Variants in TMEM132D observed in about 807,000 individuals in gnomAD.
TMEM132D encodes mature OL transmembrane protein.
In TMEM132D, 21 loss-of-function variants were observed where a neutral mutation model predicts 62.3. The ratio of observed to expected loss-of-function variants is 0.34; its 90% confidence interval spans 0.24 to 0.49. The LOEUF is 0.49. Ranked by LOEUF, TMEM132D falls within the 20% of genes least tolerant of loss-of-function variation. The pLI, the probability that TMEM132D is intolerant of heterozygous loss-of-function variation, is 0.99. For missense variants in TMEM132D, 1,346 were observed against 1,402.8 expected (o/e 0.96, Z 0.65); for synonymous variants, 621 against 575.6 (o/e 1.08, Z -1.13).
At position 129,603,171 on chromosome 12, in the gene TMEM132D, G is replaced by A. The variant is rs548605018; in HGVS notation, c.969-71966C>T. ...ATATCATTATCACCCAAAGTCCAAA[G>A]TTGGCATTAGGGTTCACACTTGGTG... On this transcript the variant is annotated intron_variant, in intron 2 of 8. Coordinates refer to ENST00000422113, the MANE Select transcript of TMEM132D (RefSeq NM_133448.3). 2.6e-5 allele frequency among the ~76,000 whole-genome samples: 4 copies of A among 152,292 alleles called. No homozygotes were observed. In the East Asian group the frequency reaches 5.8e-4, roughly 22 times the overall value.
At chr12:129,114,394 T>TTCCC (rs1555230687) in intron 5 of TMEM132D, among the ~76,000 whole-genome samples, 2 of 146,286 alleles carry the variant, frequency 1.4e-5, no homozygotes, top group East Asian at 2.0e-4. Context: ...AACTCCTTCC[T>TTCCC]TCCTTCCCTC....
At chr12:129,266,038 C>T (rs1202899543) in intron 4 of TMEM132D, among the ~76,000 whole-genome samples, 1 of 152,066 alleles carries the variant, frequency 6.6e-6, no homozygotes, top group Non-Finnish European at 1.5e-5. Context: ...GAATGAACTC[C>T]CTTTTCAATC....
chr12:129,636,049 GT>G (rs1879467324), intron 2 of TMEM132D, among the ~76,000 whole-genome samples: 1 of 152,224 alleles, frequency 6.6e-6, no homozygotes. Context: ...AGAAAGTAGT[GT>G]CTGGGTTAAA....
chr12:129,282,840 T>C (rs1881192914), intron 4 of TMEM132D, among the ~76,000 whole-genome samples: 1 of 152,166 alleles, frequency 6.6e-6, no homozygotes, highest in Non-Finnish European at 1.5e-5. Flanking sequence ...AAAGAAAGAA[T>C]CTCAACTATG....
At chr12:129,742,116 G>C (rs78567552) in intron 1 of TMEM132D, among the ~76,000 whole-genome samples, 2,646 of 152,236 alleles carry the variant, frequency 0.017, 78 homozygotes, top group African/African-American at 0.061. Context: ...ACTTCAGAAT[G>C]GCTTCCAATG....
At chr12:129,305,073 T>TG (rs1465435148) in intron 4 of TMEM132D, among the ~76,000 whole-genome samples, 6 of 152,228 alleles carry the variant, frequency 3.9e-5, no homozygotes, top group Non-Finnish European at 7.3e-5. Context: ...TATTATTACT[T>TG]GGGGAATGCC....
At chr12:129,637,483 G>A (rs1879513358) in intron 2 of TMEM132D, among the ~76,000 whole-genome samples, 1 of 152,236 alleles carries the variant, frequency 6.6e-6, no homozygotes, top group Non-Finnish European at 1.5e-5. Context: ...CCTTGGTCCT[G>A]TGTAGTGAGT....
chr12:129,595,819 C>G (rs982607136), intron 2 of TMEM132D, among the ~76,000 whole-genome samples: 6 of 152,210 alleles, frequency 3.9e-5, no homozygotes, highest in African/African-American at 1.4e-4. Context: ...CTGAGCCCAG[C>G]CTGCATGAGC....
At chr12:129,098,071 A>G (rs1292428061) in intron 5 of TMEM132D, among the ~76,000 whole-genome samples, 1 of 152,208 alleles carries the variant, frequency 6.6e-6, no homozygotes, top group Non-Finnish European at 1.5e-5. Context: ...TCTGTGGCCC[A>G]CTTTAAGTTA....
chr12:129,802,110 C>T (rs1871809997), intron 1 of TMEM132D, among the ~76,000 whole-genome samples: 1 of 151,244 alleles, frequency 6.6e-6, no homozygotes, highest in Non-Finnish European at 1.5e-5. Context: ...TTGGAAAACA[C>T]TCTGCAGGAT....
intron 3 of TMEM132D, among the ~76,000 whole-genome samples, chr12:129,506,394 T>A (rs1202982288): frequency 6.6e-6 from 1 of 152,152 alleles, no homozygotes; most frequent in Non-Finnish European, 1.5e-5. Context: ...AGTGCCCACA[T>A]AGCCAAAGCA....
At chr12:129,266,166 C>T (rs1880689203) in intron 4 of TMEM132D, among the ~76,000 whole-genome samples, 1 of 152,134 alleles carries the variant, frequency 6.6e-6, no homozygotes, top group South Asian at 2.1e-4. Flanking sequence ...TCTTTACTGA[C>T]CAAGAAGCAG....
At chr12:129,899,128 G>A (rs1289437728) in intron 1 of TMEM132D, among the ~76,000 whole-genome samples, 3 of 150,684 alleles carry the variant, frequency 2.0e-5, no homozygotes, top group African/African-American at 5.0e-5. Context: ...TGGATGGAAT[G>A]ATGAATGGAT....
rs576758497 is a variant in TMEM132D at position 129,464,789 on chromosome 12, C to T, written c.1115+66270G>A. On this transcript the variant is annotated intron_variant, in intron 3 of 8. Transcript: ENST00000422113. ...CAAAGATCAGATAGTTGTAGATATGCGGCGTTATATCTGAGGGCTCTGTTC... is the reference window on the plus strand; with the variant it reads ...CAAAGATCAGATAGTTGTAGATATGTGGCGTTATATCTGAGGGCTCTGTTC... 1.4e-4 allele frequency among the ~76,000 whole-genome samples: 21 copies of T among 152,028 alleles called. No homozygotes were observed. In the East Asian group the frequency reaches 1.9e-3, roughly 14 times the overall value.
intron 3 of TMEM132D, among the ~76,000 whole-genome samples, chr12:129,397,263 T>C (rs1337901635): frequency 6.6e-6 from 1 of 152,198 alleles, no homozygotes; most frequent in Non-Finnish European, 1.5e-5. Context: ...TTCTTTGCCC[T>C]GTGAGCTTTC....
chr12:129,445,540 C>G (rs1873072835), intron 3 of TMEM132D, among the ~76,000 whole-genome samples: 1 of 152,086 alleles, frequency 6.6e-6, no homozygotes, highest in Admixed American at 6.5e-5. Context: ...GTCTGTTTGT[C>G]TGAGACTGAA....
chr12:129,141,168 C>G (rs1876731382), intron 5 of TMEM132D, among the ~76,000 whole-genome samples: 1 of 152,138 alleles, frequency 6.6e-6, no homozygotes, highest in South Asian at 2.1e-4. Context: ...ACTCTTGCTA[C>G]CACAAGAAAG....
chr12:129,497,942 T>A (rs546646534), intron 3 of TMEM132D, among the ~76,000 whole-genome samples: 3 of 152,214 alleles, frequency 2.0e-5, no homozygotes, highest in African/African-American at 7.2e-5. Context: ...ATTAGAGGCA[T>A]AAGCTACTAT....
intron 3 of TMEM132D, among the ~76,000 whole-genome samples, chr12:129,396,550 G>A (rs542013876): frequency 2.3e-4 from 35 of 152,252 alleles, no homozygotes; most frequent in Admixed American, 1.0e-3. Context: ...TGTTGTCTAC[G>A]TGGACAAGGT....
Sources: allele counts gnomAD v4.1 joint callset (sites outside exome capture counted in the v4.1 genomes callset), GRCh38; gene constraint gnomAD v4.1.1; transcripts MANE v1.5; gene names NCBI Gene and HGNC (gene_info 2026-07-23, HGNC 2026-07-21).